Variants in BMP7 observed in about 807,000 individuals in gnomAD.
The protein encoded by BMP7 is bone morphogenetic protein 7.
In BMP7, 12 loss-of-function variants were observed where a neutral mutation model predicts 41.2. The observed-to-expected ratio is 0.29, with a 90% CI of 0.19 to 0.47. BMP7 has a LOEUF of 0.47. Ranked by LOEUF, BMP7 falls within the 20% of genes least tolerant of loss-of-function variation. The pLI, the probability that BMP7 is intolerant of heterozygous loss-of-function variation, is 0.99. For synonymous variants in BMP7, 248 were observed against 250.0 expected (o/e 0.99, Z 0.07); for missense variants, 467 against 606.0 (o/e 0.77, Z 2.41).
intron 1 of BMP7, among the ~76,000 whole-genome samples, chr20:57,247,238 C>T (rs1317214309): frequency 6.6e-6 from 1 of 152,154 alleles, no homozygotes; most frequent in Non-Finnish European, 1.5e-5. Flanking sequence ...AGAGCCTCCC[C>T]CCAACAATTG....
intron 3 of BMP7, among the ~76,000 whole-genome samples, chr20:57,194,983 G>C (rs1984458516): frequency 6.6e-6 from 1 of 152,242 alleles, no homozygotes; most frequent in African/African-American, 2.4e-5. Flanking sequence ...CCAAAGGTAG[G>C]AGGGATTCAC....
At chr20:57,172,013 C>T (rs1983825966) in intron 6 of BMP7, among the ~76,000 whole-genome samples, 1 of 152,214 alleles carries the variant, frequency 6.6e-6, no homozygotes, top group Admixed American at 6.5e-5. Context: ...CGCATCATTT[C>T]ACAATCCCTG....
At chr20:57,258,446 T>C (rs557543689) in intron 1 of BMP7, among the ~76,000 whole-genome samples, 1 of 152,216 alleles carries the variant, frequency 6.6e-6, no homozygotes, top group Non-Finnish European at 1.5e-5. Context: ...GGCTTGTCAC[T>C]CCCTTGAAGG....
intron 5 of BMP7, among the ~76,000 whole-genome samples, chr20:57,173,828 C>T (rs574139956): frequency 1.2e-4 from 19 of 152,106 alleles, no homozygotes; most frequent in Admixed American, 3.9e-4. Flanking sequence ...CTCCATGCCT[C>T]GGTTTGCCCA....
rs753980150 is a variant in BMP7, at chr20:57,175,020, G to C, written c.959-13C>G. The C allele has an allele frequency of 1.9e-6, 3 of 1,608,576 alleles. No homozygotes were observed. The Admixed American group carries it at 5.0e-5, about 27-fold the overall frequency. On this transcript the variant is annotated splice_polypyrimidine_tract_variant and intron_variant, in intron 4 of 6. Coordinates refer to ENST00000395863, the MANE Select transcript of BMP7 (RefSeq NM_001719.3). The stretch of plus-strand genomic sequence containing the variant: ...CTGCTGCTGTTCTCTGCATTGACAA[G>C]GAAGTGAAGAAGCAGAGCCCAGTGA...
chr20:57,203,518 C>T (rs1440623607), intron 2 of BMP7, among the ~76,000 whole-genome samples: 3 of 147,854 alleles, frequency 2.0e-5, no homozygotes, highest in Non-Finnish European at 3.0e-5. Flanking sequence ...GATGGGTGGG[C>T]GGGTAGGTGA....
intron 1 of BMP7, among the ~76,000 whole-genome samples, chr20:57,241,649 G>A (rs1019638773): frequency 1.3e-5 from 2 of 152,192 alleles, no homozygotes; most frequent in Non-Finnish European, 2.9e-5. Flanking sequence ...GTGCTGGGGG[G>A]CTGCGTCCAG....
chr20:57,226,358 C>T (rs1468374352), intron 2 of BMP7, among the ~76,000 whole-genome samples: 2 of 152,256 alleles, frequency 1.3e-5, no homozygotes, highest in Non-Finnish European at 2.9e-5. Context: ...AGGAGAGCTG[C>T]TCAGCAGTGT....
At chr20:57,212,438 G>A (rs1472165073) in intron 2 of BMP7, among the ~76,000 whole-genome samples, 1 of 152,138 alleles carries the variant, frequency 6.6e-6, no homozygotes, top group Non-Finnish European at 1.5e-5. Flanking sequence ...TGGAGATGAC[G>A]GGCTCTGCCA....
chr20:57,184,675 G>A lies in BMP7; in HGVS notation c.761-756C>T, dbSNP rs1276893580. On this transcript the variant is annotated intron_variant, in intron 3 of 6. Transcript: ENST00000395863. ...GCAGGGTCTTTGCAGATGTGCTGTCGTCAGTTAAAATAAGCTCATCCTGGA... is the reference window on the plus strand; with the variant it reads ...GCAGGGTCTTTGCAGATGTGCTGTCATCAGTTAAAATAAGCTCATCCTGGA... Among the ~76,000 whole-genome samples the A allele has an allele frequency of 5.9e-5, 9 of 152,162 alleles. No individual in the cohort carries two copies. The East Asian group carries it at 7.7e-4, about 13-fold the overall frequency.
chr20:57,254,420 C>T lies in BMP7; in HGVS notation c.418+11285G>A, dbSNP rs193286169. 5.9e-5 allele frequency among the ~76,000 whole-genome samples: 9 copies of T among 152,264 alleles called. No homozygotes were observed. In the East Asian group the frequency reaches 7.7e-4, roughly 13 times the overall value. On this transcript the variant is annotated intron_variant, in intron 1 of 6. Coordinates refer to ENST00000395863, the MANE Select transcript of BMP7 (RefSeq NM_001719.3). ...AAAACTATCCTTTCCCTCCTCCCCA[C>T]GGGCAGCTCTCACCCTGAAGGTAGG...
At position 57,183,764 on chromosome 20, in the gene BMP7, T is replaced by C. The variant is rs1298665568; in HGVS notation, c.916A>G (p.Thr306Ala). Residue 306 changes from threonine (T) to alanine (A), a missense_variant, in exon 4 of 7, where the codon ACG becomes GCG. By Grantham distance (58) the Thr-to-Ala change is moderately conservative. Transcript: ENST00000395863. ...SKQRSQNRSK[T>A]PKNQEALRMA... ...CGCAGGGCTTCCTGGTTCTTGGGCG[T>C]CTTGGAGCGGTTCTGGCTGCGCTGT... The C allele has an allele frequency of 6.2e-7, 1 of 1,614,056 alleles. No homozygotes were observed. Among genetic ancestry groups the C allele is most frequent in the African/African-American group, 1.3e-5 (1 of 74,934 alleles).
intron 1 of BMP7, among the ~76,000 whole-genome samples, chr20:57,264,508 C>T (rs1314033730): frequency 6.6e-6 from 1 of 152,178 alleles, no homozygotes; most frequent in Non-Finnish European, 1.5e-5. Flanking sequence ...GGAGAATGTG[C>T]GCGCACATAT....
At chr20:57,234,530 C>A (rs1007752754) in intron 1 of BMP7, among the ~76,000 whole-genome samples, 3 of 152,192 alleles carry the variant, frequency 2.0e-5, no homozygotes, top group Non-Finnish European at 2.9e-5. Context: ...CAAAGAAGTC[C>A]CCTTTAAGCT....
intron 1 of BMP7, among the ~76,000 whole-genome samples, chr20:57,251,441 A>G (rs891909442): frequency 6.6e-6 from 1 of 152,184 alleles, no homozygotes; most frequent in African/African-American, 2.4e-5. Context: ...AACGCAGGAA[A>G]AGCCTCCCTG....
Position 57,174,923 on chromosome 20 carries a change from C to T in BMP7, c.1035+8G>A, listed in dbSNP as rs1439254839. On this transcript the variant is annotated splice_region_variant and intron_variant, in intron 5 of 6. Coordinates refer to ENST00000395863, the MANE Select transcript of BMP7 (RefSeq NM_001719.3). This position sits in a 1 kb window ranked among gnomAD's most constrained non-coding sequence, Gnocchi z 4.3. The stretch of plus-strand genomic sequence containing the variant: ...CCACACCCAAGACAGACCCAGCCAG[C>T]CCCTTACCTGCCAGCCCAGGTCTCG... 6.2e-7 allele frequency: 1 copy of T among 1,609,834 alleles called. No individual in the cohort carries two copies. The highest frequency in any genetic ancestry group is 8.5e-7 in the Non-Finnish European group (1 of 1,179,530).
intron 2 of BMP7, among the ~76,000 whole-genome samples, chr20:57,212,727 G>C (rs1984923211): frequency 6.6e-6 from 1 of 152,176 alleles, no homozygotes; most frequent in Non-Finnish European, 1.5e-5. Flanking sequence ...CGTGCACCTG[G>C]AGTCAGCCCA....
chr20:57,184,199 G>A (rs779659484), intron 3 of BMP7, among the ~76,000 whole-genome samples: 1 of 152,164 alleles, frequency 6.6e-6, no homozygotes, highest in Non-Finnish European at 1.5e-5. Context: ...TGAGGGGTGC[G>A]GAAGGTGGCA....
chr20:57,212,450 T>C (rs1431505362), intron 2 of BMP7, among the ~76,000 whole-genome samples: 2 of 152,102 alleles, frequency 1.3e-5, no homozygotes, highest in African/African-American at 4.8e-5. Context: ...GCTCTGCCAC[T>C]CGCAGACCCA....
Sources: gnomAD v4.1 joint callset for allele counts (sites outside exome capture counted in the v4.1 genomes callset) on GRCh38, gnomAD v4.1.1 for gene constraint, Gnocchi (gnomAD v3.1) non-coding constraint, MANE v1.5 for transcripts, NCBI Gene and HGNC (gene_info 2026-07-23, HGNC 2026-07-21) for gene names.